The following CDH12 variants were observed in gnomAD, a reference collection of about 807,000 sequenced individuals.
CDH12 encodes cadherin-12.
A neutral mutation model predicts 74.1 loss-of-function variants in CDH12; 41 were observed. The ratio of observed to expected loss-of-function variants is 0.55; its 90% CI spans 0.43 to 0.72. The LOEUF (loss-of-function observed/expected upper bound fraction) is 0.72, where lower values mean the gene tolerates loss of function less well. CDH12 is among the 30% of genes least tolerant of loss of function. CDH12 has a pLI of 0.00. For synonymous variants in CDH12, 399 were observed against 355.0 expected (o/e 1.12, Z -1.39); for missense variants, 945 against 977.2 (o/e 0.97, Z 0.44).
At chr5:22,556,143 G>A (rs402213) in intron 1 of CDH12, among the ~76,000 whole-genome samples, 91,329 of 151,724 alleles carry the variant, frequency 0.6, 27,678 homozygotes, top group Admixed American at 0.69. Context: ...ACAGGACACA[G>A]TGAAAGATGC....
chr5:22,693,109 C>T (rs1359329780), intron 1 of CDH12, among the ~76,000 whole-genome samples: 2 of 151,912 alleles, frequency 1.3e-5, no homozygotes, highest in African/African-American at 4.8e-5. Context: ...CTTCAGCATC[C>T]AGAGTAGCTG....
intron 6 of CDH12, among the ~76,000 whole-genome samples, chr5:21,878,801 GAAGAAAGA>G (rs56312463): frequency 7.2e-5 from 10 of 138,784 alleles, no homozygotes; most frequent in South Asian, 2.3e-4. Flanking sequence ...AAGAAAGAAA[GAAGAAAGA>G]AAGAAAGAAA....
At chr5:22,602,018 T>A (rs1736874964) in intron 1 of CDH12, among the ~76,000 whole-genome samples, 1 of 152,078 alleles carries the variant, frequency 6.6e-6, no homozygotes. Flanking sequence ...TAAGTAAAGA[T>A]TTAAAGTACT....
chr5:22,169,599 T>A (rs1748897655), intron 4 of CDH12, among the ~76,000 whole-genome samples: 4 of 151,954 alleles, frequency 2.6e-5, no homozygotes, highest in Admixed American at 2.6e-4. Flanking sequence ...TTCTGGAGTA[T>A]AATTACACCC....
At chr5:22,025,439 A>T (rs1383885550) in intron 5 of CDH12, among the ~76,000 whole-genome samples, 1 of 152,174 alleles carries the variant, frequency 6.6e-6, no homozygotes, top group Non-Finnish European at 1.5e-5. Context: ...AAATGCACAC[A>T]CTAAGGTGCA....
At chr5:22,614,809 T>C (rs1176786876) in intron 1 of CDH12, among the ~76,000 whole-genome samples, 1 of 152,088 alleles carries the variant, frequency 6.6e-6, no homozygotes, top group Non-Finnish European at 1.5e-5. Context: ...TATACATATG[T>C]ACTATGCATT....
chr5:22,326,963 CT>C (rs1193222711), intron 3 of CDH12, among the ~76,000 whole-genome samples: 2 of 152,030 alleles, frequency 1.3e-5, no homozygotes, highest in African/African-American at 4.8e-5. Flanking sequence ...CTCAAGAAAT[CT>C]TACAATCTTT....
chr5:22,495,989 A>G (rs1747092238), intron 2 of CDH12, among the ~76,000 whole-genome samples: 1 of 152,228 alleles, frequency 6.6e-6, no homozygotes, highest in African/African-American at 2.4e-5. Context: ...ACTTTCAGAA[A>G]TAGTGTATGC....
At chr5:22,318,751 A>T (rs1249245456) in intron 3 of CDH12, among the ~76,000 whole-genome samples, 2 of 152,158 alleles carry the variant, frequency 1.3e-5, no homozygotes, top group Non-Finnish European at 2.9e-5. Flanking sequence ...TCCAAACATG[A>T]CATGCTTGTA....
At chr5:22,656,048 T>C (rs1477665188) in intron 1 of CDH12, among the ~76,000 whole-genome samples, 1 of 152,204 alleles carries the variant, frequency 6.6e-6, no homozygotes, top group East Asian at 1.9e-4. Flanking sequence ...TATTTATTTA[T>C]TTTTGTTGTT....
chr5:22,764,222 T>A (rs1746382923), intron 1 of CDH12, among the ~76,000 whole-genome samples: 1 of 152,032 alleles, frequency 6.6e-6, no homozygotes, highest in South Asian at 2.1e-4. Context: ...CCAATGCATT[T>A]TATACTGAAC....
At chr5:22,572,674 T>C (rs976354082) in intron 1 of CDH12, among the ~76,000 whole-genome samples, 11 of 152,180 alleles carry the variant, frequency 7.2e-5, no homozygotes, top group African/African-American at 2.7e-4. Flanking sequence ...AACAACCCTA[T>C]CTTTTGGTTG....
chr5:21,895,695 G>C (rs1275691819), intron 6 of CDH12, among the ~76,000 whole-genome samples: 2 of 152,156 alleles, frequency 1.3e-5, no homozygotes, highest in African/African-American at 4.8e-5. Flanking sequence ...CCCCCACCCA[G>C]TCAGGGACTG....
intron 4 of CDH12, among the ~76,000 whole-genome samples, chr5:22,140,458 T>A (rs1057365458): frequency 2.6e-5 from 4 of 151,986 alleles, no homozygotes; most frequent in African/African-American, 7.2e-5. Context: ...AGAAGTAAGT[T>A]TCCTTTCGCA....
At chr5:22,846,528 G>T (rs1303180368) in intron 1 of CDH12, among the ~76,000 whole-genome samples, 1 of 152,068 alleles carries the variant, frequency 6.6e-6, no homozygotes, top group Non-Finnish European at 1.5e-5. Flanking sequence ...AGTGATGAAA[G>T]AATAAAACCA....
intron 3 of CDH12, among the ~76,000 whole-genome samples, chr5:22,244,740 A>AAAAGAAAGAAAAGAAAG (rs1752874334): frequency 3.2e-5 from 3 of 92,568 alleles, no homozygotes; most frequent in African/African-American, 1.0e-4. Context: ...AGAAAGAAAG[A>AAAAGAAAGAAAAGAAAG]AAAGAAAGAA....
chr5:22,383,756 T>A (rs1741873637), intron 3 of CDH12, among the ~76,000 whole-genome samples: 1 of 152,158 alleles, frequency 6.6e-6, no homozygotes, highest in South Asian at 2.1e-4. Context: ...TTGGGGAACT[T>A]TTCACGTGAA....
intron 5 of CDH12, among the ~76,000 whole-genome samples, chr5:21,992,182 G>C (rs1292516812): frequency 6.6e-6 from 1 of 151,562 alleles, no homozygotes; most frequent in East Asian, 1.9e-4. Flanking sequence ...CTGCCAAAGA[G>C]ATAATAGTTC....
chr5:22,034,145 C>T (rs1739015986), intron 5 of CDH12, among the ~76,000 whole-genome samples: 1 of 152,098 alleles, frequency 6.6e-6, no homozygotes, highest in South Asian at 2.1e-4. Context: ...CTGGATTCTC[C>T]TGCCTCAGTC....
Sources: allele counts gnomAD v4.1 joint callset (sites outside exome capture counted in the v4.1 genomes callset), GRCh38; gene constraint gnomAD v4.1.1; transcripts MANE v1.5; gene names NCBI Gene and HGNC (gene_info 2026-07-23, HGNC 2026-07-21).